DGKB: variants seen among roughly 807,000 people sequenced by gnomAD.
DGKB encodes the protein 90 kDa diacylglycerol kinase.
In DGKB, 67 loss-of-function variants were observed where a neutral mutation model predicts 114.3. The ratio of observed to expected loss-of-function variants is 0.59; its 90% CI spans 0.48 to 0.72. The LOEUF (loss-of-function observed/expected upper bound fraction) is 0.72. Among genes scored for constraint, DGKB ranks in the 30% least tolerant of loss-of-function variants. The probability of loss-of-function intolerance (pLI) is 0.00; values close to 1 mark genes in which losing one functional copy is unlikely to be tolerated. For synonymous variants in DGKB, 398 were observed against 323.1 expected (o/e 1.23, Z -2.49); for missense variants, 907 against 975.2 (o/e 0.93, Z 0.93).
At chr7:14,200,431 C>T (rs1785680508) in intron 23 of DGKB, among the ~76,000 whole-genome samples, 1 of 151,942 alleles carries the variant, frequency 6.6e-6, no homozygotes, top group South Asian at 2.1e-4. Flanking sequence ...TCATGTATTC[C>T]CCACATTACC....
rs957998155 is a variant in DGKB, at chr7:14,146,217, C to G, written c.*2914G>C. 6.6e-6 allele frequency: 1 copy of G among 152,140 alleles called. No homozygotes were observed. Among genetic ancestry groups the G allele is most frequent in the Non-Finnish European group, 1.5e-5 (1 of 68,038 alleles). 9.4% of individuals were successfully genotyped at this position (152,140 alleles called of 1,614,324 possible). On this transcript the variant is annotated 3_prime_UTR_variant, in exon 26 of 26. Coordinates refer to ENST00000402815, the MANE Select transcript of DGKB (RefSeq NM_001350709.2). ...AAAAAATAAATTTACGTCTTTTAAA[C>G]TTTCTGGTTCTATGTAGATACCTCC...
intron 1 of DGKB, among the ~76,000 whole-genome samples, chr7:14,920,317 CAA>C (rs892340218): frequency 3.3e-5 from 5 of 151,738 alleles, no homozygotes; most frequent in African/African-American, 1.2e-4. Context: ...CATAAGGAAA[CAA>C]TTTAAAAATG....
intron 20 of DGKB, 128 bp from the exon 21 acceptor site, chr7:14,478,353 T>C (rs2128905750): frequency 3.6e-6 from 2 of 548,834 alleles, no homozygotes. Context: ...GCCAAGAAGG[T>C]TATGTAAAAT....
chr7:14,801,927 C>T (rs11975083), intron 2 of DGKB, among the ~76,000 whole-genome samples: 30 of 118,768 alleles, frequency 2.5e-4, no homozygotes, highest in African/African-American at 1.2e-3. Context: ...TATACATATA[C>T]ACACACACAC....
At chr7:14,444,071 A>C (rs533170198) in intron 21 of DGKB, among the ~76,000 whole-genome samples, 2 of 151,900 alleles carry the variant, frequency 1.3e-5, no homozygotes, top group East Asian at 3.9e-4. Context: ...TTAAATATTC[A>C]TATTTTACAT....
At chr7:14,246,358 T>C (rs962738426) in intron 23 of DGKB, among the ~76,000 whole-genome samples, 2 of 152,106 alleles carry the variant, frequency 1.3e-5, no homozygotes, top group African/African-American at 2.4e-5. Flanking sequence ...GGAATAGAAA[T>C]GTTAAGTACT....
At chr7:14,938,766 T>G (rs571582135) in intron 1 of DGKB, among the ~76,000 whole-genome samples, 1 of 152,352 alleles carries the variant, frequency 6.6e-6, no homozygotes, top group South Asian at 2.1e-4. Flanking sequence ...CTGAGAAATG[T>G]AATGTGTAAC....
At chr7:14,332,387 T>C (rs575927947) in intron 23 of DGKB, among the ~76,000 whole-genome samples, 1 of 152,270 alleles carries the variant, frequency 6.6e-6, no homozygotes, top group African/African-American at 2.4e-5. Context: ...CTATGCCGCC[T>C]TCGTGGAATG....
chr7:14,211,266 A>G (rs531208051), intron 23 of DGKB, among the ~76,000 whole-genome samples: 2 of 140,194 alleles, frequency 1.4e-5, no homozygotes, highest in South Asian at 2.1e-4. Context: ...TTCCTCATGA[A>G]GTCTCTTTCC....
At chr7:14,244,814 C>T (rs751999570) in intron 23 of DGKB, among the ~76,000 whole-genome samples, 78 of 151,894 alleles carry the variant, frequency 5.1e-4, no homozygotes, top group Non-Finnish European at 1.6e-4. Context: ...AGACAGCTCT[C>T]TTCTCTATGA....
intron 13 of DGKB, among the ~76,000 whole-genome samples, chr7:14,650,766 A>T (rs1814268470): frequency 7.0e-6 from 1 of 143,004 alleles, no homozygotes; most frequent in Admixed American, 7.2e-5. Flanking sequence ...TAATAAAGAA[A>T]AAAAGAGAGA....
chr7:14,750,320 C>T (rs903850100), intron 4 of DGKB: 4 of 409,136 alleles, frequency 9.8e-6, no homozygotes, highest in South Asian at 5.2e-5. Flanking sequence ...ATTGGTCTGC[C>T]GTTTGAGAAA....
intron 8 of DGKB, among the ~76,000 whole-genome samples, chr7:14,696,396 G>A (rs2129000464): frequency 6.6e-6 from 1 of 151,354 alleles, no homozygotes; most frequent in Admixed American, 6.6e-5. Flanking sequence ...TCGGGAGGCT[G>A]AGGCAGGAGA....
At chr7:14,385,960 G>T (rs1023602523) in intron 21 of DGKB, among the ~76,000 whole-genome samples, 6 of 152,092 alleles carry the variant, frequency 3.9e-5, no homozygotes, top group African/African-American at 1.4e-4. Flanking sequence ...TCATTCAAAC[G>T]GAAGAAAATG....
chr7:14,736,227 G>C (rs563078982), intron 4 of DGKB, 33 bp from the exon 5 acceptor site: 1 of 1,371,108 alleles, frequency 7.3e-7, no homozygotes, highest in Admixed American at 2.1e-5. Context: ...TGTATTTTAA[G>C]ATCCAACCAA....
At position 14,818,022 on chromosome 7, in the gene DGKB, C is replaced by G. The variant is rs184807312; in HGVS notation, c.70+23172G>C. Among the ~76,000 whole-genome samples the G allele has an allele frequency of 2.1e-3, 326 of 152,132 alleles. 1 individual carries two copies. Among genetic ancestry groups the G allele is most frequent in the Non-Finnish European group, 3.6e-3 (243 of 68,010 alleles). ...AGGTGCTAATATAAGAGAAAGCAAC[C>G]CAGATACCAACTGGGAAAAACTCCA... On this transcript the variant is annotated intron_variant, in intron 2 of 25. Coordinates refer to ENST00000402815, the MANE Select transcript of DGKB (RefSeq NM_001350709.2).
intron 1 of DGKB, among the ~76,000 whole-genome samples, chr7:14,942,092 G>C (rs2128255153): frequency 6.6e-6 from 1 of 151,850 alleles, no homozygotes; most frequent in African/African-American, 2.4e-5. Context: ...ATCCCTGCTT[G>C]TTAGCAGACC....
intron 21 of DGKB, among the ~76,000 whole-genome samples, chr7:14,407,638 T>C (rs1352382775): frequency 2.0e-5 from 3 of 152,126 alleles, no homozygotes; most frequent in Non-Finnish European, 4.4e-5. Context: ...TCATGTTTTA[T>C]TAAAATAAAC....
At chr7:14,355,859 C>T (rs1023337884) in intron 21 of DGKB, among the ~76,000 whole-genome samples, 2 of 152,180 alleles carry the variant, frequency 1.3e-5, no homozygotes, top group African/African-American at 4.8e-5. Flanking sequence ...ATGGTACCAG[C>T]TCCTCCTCGT....
Sources: allele counts gnomAD v4.1 joint callset (sites outside exome capture counted in the v4.1 genomes callset), GRCh38; gene constraint gnomAD v4.1.1; transcripts MANE v1.5; gene names NCBI Gene and HGNC (gene_info 2026-07-23, HGNC 2026-07-21).